NDUFC2: variants seen among roughly 807,000 people sequenced by gnomAD.
NDUFC2 encodes NADH dehydrogenase [ubiquinone] 1 subunit C2.
A neutral mutation model predicts 10.1 loss-of-function variants in NDUFC2; 2 were observed. The ratio of observed to expected loss-of-function variants is 0.20; its 90% CI spans 0.08 to 0.62. The LOEUF (loss-of-function observed/expected upper bound fraction) is 0.62. NDUFC2 is among the 20% of genes least tolerant of loss of function. NDUFC2 has a pLI of 0.87. For missense variants in NDUFC2, 156 were observed against 159.6 expected (o/e 0.98, Z 0.12); for synonymous variants, 61 against 63.6 (o/e 0.96, Z 0.20).
intron 1 of NDUFC2, among the ~76,000 whole-genome samples, chr11:78,079,008 G>T (rs1265281864): frequency 7.9e-5 from 12 of 150,994 alleles, no homozygotes; most frequent in African/African-American, 2.9e-4. Flanking sequence ...TTACAGGTGT[G>T]AGCCACCTCG....
intron 1 of NDUFC2, among the ~76,000 whole-genome samples, chr11:78,077,877 A>G (rs1238455634): frequency 6.6e-6 from 1 of 152,184 alleles, no homozygotes; most frequent in East Asian, 1.9e-4. Context: ...AAGTTTGTTT[A>G]GTTCCAAAGT....
rs952041261 is a variant in NDUFC2 at position 78,069,176 on chromosome 11, C to T, written c.*811G>A. On this transcript the variant is annotated 3_prime_UTR_variant, in exon 3 of 3. Coordinates refer to ENST00000281031, the MANE Select transcript of NDUFC2 (RefSeq NM_004549.6). ...AAGTGCTGGGATTACAGGCATGAGC[C>T]ACTGCATCGGGCCAGGACAAGCATT... 6.6e-5 allele frequency: 10 copies of T among 152,266 alleles called. No homozygotes were observed. Among genetic ancestry groups the T allele is most frequent in the African/African-American group, 2.2e-4 (9 of 41,440 alleles). The allele number at this position is 152,266 out of a possible 1,614,324, so 9.4% of individuals were successfully genotyped here. A position where few individuals can be genotyped will look rare whatever the true frequency, so the allele number is the denominator to read the frequency against.
rs192918394 is a variant in NDUFC2 at position 78,072,988 on chromosome 11, C to G, written c.310+10G>C. Reference sequence around the variant, plus strand: ...GTAAACACAGATTATCTAAAATTAACTTGAAATACCTTCTTCAGGAAAATC... The same window carrying G: ...GTAAACACAGATTATCTAAAATTAAGTTGAAATACCTTCTTCAGGAAAATC... On this transcript the variant is annotated intron_variant, in intron 2 of 2. Coordinates refer to ENST00000281031, the MANE Select transcript of NDUFC2 (RefSeq NM_004549.6). The G allele has an allele frequency of 6.2e-7, 1 of 1,607,052 alleles. No homozygotes were observed. Among genetic ancestry groups the G allele is most frequent in the East Asian group, 2.2e-5 (1 of 44,840 alleles).
chr11:78,070,962 A>G (rs562322046), intron 2 of NDUFC2, among the ~76,000 whole-genome samples: 3 of 152,140 alleles, frequency 2.0e-5, no homozygotes, highest in Non-Finnish European at 4.4e-5. Flanking sequence ...ACTGGGCCTC[A>G]CTCCTAGTAA....
intron 1 of NDUFC2, among the ~76,000 whole-genome samples, chr11:78,078,752 G>T (rs540723601): frequency 6.5e-3 from 84 of 13,004 alleles, no homozygotes; most frequent in African/African-American, 0.029. Context: ...TTGAGACAGG[G>T]TCTCACTTTG....
intron 1 of NDUFC2, among the ~76,000 whole-genome samples, chr11:78,076,068 G>A (rs897901538): frequency 6.6e-6 from 1 of 151,836 alleles, no homozygotes; most frequent in African/African-American, 2.4e-5. Flanking sequence ...TGGCCATCTG[G>A]TCTGTAAACC....
intron 1 of NDUFC2, among the ~76,000 whole-genome samples, chr11:78,075,827 A>G (rs545095165): frequency 6.6e-6 from 1 of 151,990 alleles, no homozygotes; most frequent in Non-Finnish European, 1.5e-5. Flanking sequence ...GGCTCAAGCA[A>G]TCCTCCCACC....
Position 78,078,728 on chromosome 11 carries a change from C to CTTTTTTTTTTTTTTTTTTTTTTT in NDUFC2, c.166+850_166+851insAAAAAAAAAAAAAAAAAAAAAAA. Among the ~76,000 whole-genome samples, 197 of 61,604 alleles carry CTTTTTTTTTTTTTTTTTTTTTTT rather than the reference C, an allele frequency of 3.2e-3. 55 individuals are homozygous for CTTTTTTTTTTTTTTTTTTTTTTT. The highest frequency in any genetic ancestry group is 5.4e-3 in the African/African-American group (86 of 16,012). 40.4% of individuals were successfully genotyped at this position (61,604 alleles called of 152,430 possible). A position where few individuals can be genotyped will look rare whatever the true frequency, so the allele number is the denominator to read the frequency against. Reference sequence around the variant, plus strand: ...CCCAGACCTCATGAATCAGGATCCGCTTTTTTTTTTTTTTTGAGACAGGGT... The same window carrying CTTTTTTTTTTTTTTTTTTTTTTT: ...CCCAGACCTCATGAATCAGGATCCGCTTTTTTTTTTTTTTTTTTTTTTTTTTTTTTTTTTTTTTGAGACAGGGT... On this transcript the variant is annotated intron_variant, in intron 1 of 2. Transcript: ENST00000281031.
At chr11:78,076,463 C>T (rs1011437031) in intron 1 of NDUFC2, among the ~76,000 whole-genome samples, 3 of 152,148 alleles carry the variant, frequency 2.0e-5, no homozygotes, top group African/African-American at 7.2e-5. Context: ...TTACTGAACA[C>T]CTACTATAGA....
In NDUFC2 at chr11:78,079,664, G is replaced by A. The variant is rs767392078; in HGVS notation, c.81C>T (p.Asp27=). The change falls in exon 1 of 3, where the codon GAC becomes GAT. Residue 27 remains aspartate (D), a synonymous_variant. Coordinates refer to ENST00000281031, the MANE Select transcript of NDUFC2 (RefSeq NM_004549.6). The part of the protein sequence containing the change: ...ARSLPPPKLT[D]PRLLYIGFLG... Reference sequence around the variant, plus strand: ...AGAAGCCGATGTAGAGGAGCCGCGGGTCGGTCAGCTTGGGCGGGGGCAGGC... The same window carrying A: ...AGAAGCCGATGTAGAGGAGCCGCGGATCGGTCAGCTTGGGCGGGGGCAGGC... 6.2e-7 allele frequency: 1 copy of A among 1,606,958 alleles called. No homozygotes were observed. Among genetic ancestry groups the A allele is most frequent in the South Asian group, 1.1e-5 (1 of 89,612 alleles).
At chr11:78,078,748 C>T (rs1859364206) in intron 1 of NDUFC2, among the ~76,000 whole-genome samples, 1 of 8,708 alleles carries the variant, frequency 1.1e-4, no homozygotes, top group African/African-American at 4.6e-4. Context: ...TTTTTTGAGA[C>T]AGGGTCTCAC....
At chr11:78,074,603 ACT>A (rs1291013542) in intron 1 of NDUFC2, among the ~76,000 whole-genome samples, 1 of 150,234 alleles carries the variant, frequency 6.7e-6, no homozygotes, top group Non-Finnish European at 1.5e-5. Flanking sequence ...ACAGAATGAG[ACT>A]CTGTCTCAAA....
At position 78,069,583 on chromosome 11, in the gene NDUFC2, C is replaced by T; in HGVS notation, c.*404G>A. The T allele has an allele frequency of 5.1e-6, 2 of 394,868 alleles. No individual in the cohort carries two copies. The highest frequency in any genetic ancestry group is 8.9e-6 in the Non-Finnish European group (2 of 223,874). The allele number at this position is 394,868 out of a possible 1,614,324, so 24.5% of individuals were successfully genotyped here. A position where few individuals can be genotyped will look rare whatever the true frequency, so the allele number is the denominator to read the frequency against. On this transcript the variant is annotated 3_prime_UTR_variant, in exon 3 of 3. Transcript: ENST00000281031. ...GGCAGGCAAACCTTTTCTGAAAGGG[C>T]TACATATTAATTAGGCTTTGCAGGC...
At position 78,069,538 on chromosome 11, in the gene NDUFC2, T is replaced by C. The variant is rs2136818631; in HGVS notation, c.*449A>G. On this transcript the variant is annotated 3_prime_UTR_variant, in exon 3 of 3. Coordinates refer to ENST00000281031, the MANE Select transcript of NDUFC2 (RefSeq NM_004549.6). ...CTCCATAATCTGGCTCACTCTAAATTCACTTTGCACTAGGACAGGGGCAGG... is the reference window on the plus strand; with the variant it reads ...CTCCATAATCTGGCTCACTCTAAATCCACTTTGCACTAGGACAGGGGCAGG... 3.5e-6 allele frequency: 1 copy of C among 283,950 alleles called. No homozygotes were observed. The highest frequency in any genetic ancestry group is 7.7e-5 in the East Asian group (1 of 12,970). The allele number at this position is 283,950 out of a possible 1,614,324, so 17.6% of individuals were successfully genotyped here.
rs78713081 is a variant in NDUFC2, at chr11:78,078,696, G to T, written c.166+883C>A. ...TTTGAGCGCTTGTTGTTAACATCAA[G>T]TTCCTCCCCAGACCTCATGAATCAG... On this transcript the variant is annotated intron_variant, in intron 1 of 2. Transcript: ENST00000281031. 1.1e-3 allele frequency among the ~76,000 whole-genome samples: 133 copies of T among 118,580 alleles called. 2 individuals carry two copies. The East Asian group carries it at 0.03, about 27-fold the overall frequency. The allele number at this position is 118,580 out of a possible 152,430, so 77.8% of individuals were successfully genotyped here.
In NDUFC2 at chr11:78,079,564, C is replaced by A; in HGVS notation, c.166+15G>T. 1 of 1,547,870 alleles carries A rather than the reference C, an allele frequency of 6.5e-7. No homozygotes were observed. ...CCCTTCTCCTCCCAGCCGATCCCGGCCGCGCAGCACTCACCAGCCGTCGCG... is the reference window on the plus strand; with the variant it reads ...CCCTTCTCCTCCCAGCCGATCCCGGACGCGCAGCACTCACCAGCCGTCGCG... On this transcript the variant is annotated intron_variant, in intron 1 of 2. Transcript: ENST00000281031.
At chr11:78,073,260 G>A in intron 1 of NDUFC2, 119 bp from the exon 2 acceptor site, 1 of 1,472,476 alleles carries the variant, frequency 6.8e-7, no homozygotes, top group Non-Finnish European at 9.3e-7. Context: ...GGGAGGCCAA[G>A]ACAGGTGGAT....
At position 78,069,788 on chromosome 11, in the gene NDUFC2, G is replaced by T; in HGVS notation, c.*199C>A. The T allele has an allele frequency of 8.0e-7, 1 of 1,255,434 alleles. No individual in the cohort carries two copies. Among genetic ancestry groups the T allele is most frequent in the Non-Finnish European group, 1.1e-6 (1 of 896,416 alleles). The allele number at this position is 1,255,434 out of a possible 1,614,324, so 77.8% of individuals were successfully genotyped here. On this transcript the variant is annotated 3_prime_UTR_variant, in exon 3 of 3. Coordinates refer to ENST00000281031, the MANE Select transcript of NDUFC2 (RefSeq NM_004549.6). ...CCTCATCTTAAAATCTTTCAGATGG[G>T]TGAATGGAAACTGACCATTCTCTGA...
intron 1 of NDUFC2, among the ~76,000 whole-genome samples, chr11:78,077,897 T>C (rs1859319115): frequency 6.6e-6 from 1 of 152,186 alleles, no homozygotes. Context: ...TGGAGCTCTT[T>C]TCATTACACC....
Sources: gnomAD v4.1 joint callset for allele counts (sites outside exome capture counted in the v4.1 genomes callset) on GRCh38, gnomAD v4.1.1 for gene constraint, MANE v1.5 for transcripts, NCBI Gene and HGNC (gene_info 2026-07-23, HGNC 2026-07-21) for gene names.